CPQ: variants seen among roughly 807,000 people sequenced by gnomAD.
CPQ encodes Ser-Met dipeptidase.
CPQ carries 37 observed loss-of-function variants against 45.7 expected under a neutral mutation model. That is an observed-to-expected ratio of 0.81 (90% CI 0.62 to 1.07). The LOEUF (loss-of-function observed/expected upper bound fraction) is 1.07, where lower values mean the gene tolerates loss of function less well. Ranked by LOEUF, CPQ falls within the 50% of genes least tolerant of loss-of-function variation. The pLI is 0.00. For synonymous variants in CPQ, 186 were observed against 205.8 expected, an observed-to-expected ratio of 0.90 and a Z score of 0.82; for missense variants, 537 against 572.9, an observed-to-expected ratio of 0.94 and a Z score of 0.64.
At chr8:96,868,452 G>GT (rs913274784) in intron 3 of CPQ, among the ~76,000 whole-genome samples, 4 of 151,946 alleles carry the variant, frequency 2.6e-5, no homozygotes, top group Admixed American at 1.3e-4. Flanking sequence ...TTTTCAGGGT[G>GT]TTTCTTTAGT....
chr8:96,785,286 T>C lies in CPQ; in HGVS notation c.389T>C (p.Ile130Thr). The C allele has an allele frequency of 6.2e-7, 1 of 1,612,756 alleles. No individual in the cohort carries two copies. The highest frequency in any genetic ancestry group is 8.5e-7 in the Non-Finnish European group (1 of 1,179,102). Reference protein sequence around the residue: ...AVMLEPRIHKIAILGLGSSIG... With the variant: ...AVMLEPRIHKTAILGLGSSIG... ...ATGCTGGAGCCAAGAATTCATAAGA[T>C]AGCCATCCTGGGTCTTGGCAGCAGC... Residue 130 changes from isoleucine to threonine, a missense_variant, in exon 2 of 8, where the codon ATA becomes ACA. Coordinates refer to ENST00000220763, the MANE Select transcript of CPQ (RefSeq NM_016134.4).
intron 1 of CPQ, among the ~76,000 whole-genome samples, chr8:96,751,814 A>G (rs1810265976): frequency 6.6e-6 from 1 of 152,138 alleles, no homozygotes; most frequent in Non-Finnish European, 1.5e-5. Flanking sequence ...TAATTTTTGT[A>G]TAAGGTATAA....
chr8:96,907,069 T>A (rs1443490949), intron 4 of CPQ, among the ~76,000 whole-genome samples: 1 of 152,206 alleles, frequency 6.6e-6, no homozygotes, highest in Non-Finnish European at 1.5e-5. Flanking sequence ...ATTTTGTATT[T>A]GTAATATATT....
intron 4 of CPQ, among the ~76,000 whole-genome samples, chr8:96,932,175 A>AAAGG (rs144460338): frequency 0.079 from 12,061 of 151,834 alleles, 908 homozygotes; most frequent in African/African-American, 0.2. Flanking sequence ...ACTTGGGAAG[A>AAAGG]AAGGAAGGAA....
intron 5 of CPQ, among the ~76,000 whole-genome samples, chr8:97,022,974 T>TAC (rs1426178520): frequency 1.4e-5 from 2 of 147,154 alleles, no homozygotes; most frequent in Non-Finnish European, 1.5e-5. Flanking sequence ...CATATATATA[T>TAC]ACTGTATATA....
At chr8:96,645,655 G>A (rs970078721) in intron 1 of CPQ, among the ~76,000 whole-genome samples, 1 of 152,012 alleles carries the variant, frequency 6.6e-6, no homozygotes, top group East Asian at 2.0e-4. Context: ...GTGACGTGGG[G>A]GTGGTGGAGG....
chr8:96,859,099 T>G (rs1017846101), intron 3 of CPQ, among the ~76,000 whole-genome samples: 15 of 152,210 alleles, frequency 9.9e-5, no homozygotes, highest in Admixed American at 7.2e-4. Context: ...TAGGTTTACC[T>G]TTCCTCTACT....
At chr8:97,053,951 C>T (rs2513338) in intron 6 of CPQ, among the ~76,000 whole-genome samples, 86,697 of 151,548 alleles carry the variant, frequency 0.57, 26,833 homozygotes, top group Non-Finnish European at 0.7. Flanking sequence ...ATAGAGGAGT[C>T]AAGCATAAAC....
At position 96,671,306 on chromosome 8, in the gene CPQ, A is replaced by T. The variant is rs534819151; in HGVS notation, c.-35+25904A>T. Among the ~76,000 whole-genome samples the T allele has an allele frequency of 4.1e-4, 63 of 152,330 alleles. 1 individual carries two copies. The highest frequency in any genetic ancestry group is 7.8e-4 in the Non-Finnish European group (53 of 68,026). ...ATTACAGAAGCATAAGATTTAGAGTACATATAAAAAAGCGTGTGTGTGTGT... is the reference window on the plus strand; with the variant it reads ...ATTACAGAAGCATAAGATTTAGAGTTCATATAAAAAAGCGTGTGTGTGTGT... On this transcript the variant is annotated intron_variant, in intron 1 of 7. Transcript: ENST00000220763.
chr8:97,130,625 G>A (rs996681653), intron 7 of CPQ, among the ~76,000 whole-genome samples: 3 of 152,046 alleles, frequency 2.0e-5, no homozygotes, highest in African/African-American at 7.2e-5. Context: ...ACCTTTAAAT[G>A]CTAAATTTAC....
intron 1 of CPQ, among the ~76,000 whole-genome samples, chr8:96,703,506 A>G (rs1033799578): frequency 4.6e-5 from 7 of 152,190 alleles, no homozygotes; most frequent in Non-Finnish European, 7.4e-5. Context: ...TTTAAGAAAT[A>G]CATGAATGGA....
At chr8:96,852,363 G>C (rs10095084) in intron 3 of CPQ, among the ~76,000 whole-genome samples, 4,047 of 152,280 alleles carry the variant, frequency 0.027, 86 homozygotes, top group Middle Eastern at 0.054. Context: ...CACTAGGTGA[G>C]AGTGAAGGTA....
At chr8:96,907,411 G>A (rs1812593119) in intron 4 of CPQ, among the ~76,000 whole-genome samples, 1 of 152,108 alleles carries the variant, frequency 6.6e-6, no homozygotes, top group Admixed American at 6.6e-5. Context: ...CAAACCACTA[G>A]TGAGCTTAAA....
intron 1 of CPQ, among the ~76,000 whole-genome samples, chr8:96,647,269 G>A (rs1264401377): frequency 6.6e-6 from 1 of 152,112 alleles, no homozygotes; most frequent in African/African-American, 2.4e-5. Flanking sequence ...AGTTTATAAG[G>A]AGAAGTGGAA....
intron 7 of CPQ, among the ~76,000 whole-genome samples, chr8:97,068,108 G>C (rs1240217546): frequency 6.6e-6 from 1 of 152,034 alleles, no homozygotes; most frequent in Non-Finnish European, 1.5e-5. Flanking sequence ...CCCCATCCCA[G>C]GTATTTCTTT....
intron 7 of CPQ, among the ~76,000 whole-genome samples, chr8:97,080,907 C>CCCTTCTTTCCTT (rs1554588276): frequency 3.6e-5 from 5 of 139,648 alleles, no homozygotes; most frequent in Non-Finnish European, 7.7e-5. Context: ...TTAGTACCCA[C>CCCTTCTTTCCTT]CCTTCTTTCC....
chr8:97,036,313 G>A (rs1810006300), intron 6 of CPQ, among the ~76,000 whole-genome samples: 1 of 151,982 alleles, frequency 6.6e-6, no homozygotes, highest in East Asian at 1.9e-4. Flanking sequence ...TAGGGAGAGG[G>A]GAAAAGTCCA....
At chr8:96,723,504 CA>C (rs1809794325) in intron 1 of CPQ, among the ~76,000 whole-genome samples, 1 of 152,070 alleles carries the variant, frequency 6.6e-6, no homozygotes, top group African/African-American at 2.4e-5. Context: ...ATAAAACATA[CA>C]AAAAGGAGCT....
chr8:97,010,367 GCT>G (rs1809467806), intron 5 of CPQ, among the ~76,000 whole-genome samples: 1 of 152,092 alleles, frequency 6.6e-6, no homozygotes, highest in South Asian at 2.1e-4. Context: ...GCACTGAATA[GCT>G]CTGTGACATT....
Sources: allele counts gnomAD v4.1 joint callset (sites outside exome capture counted in the v4.1 genomes callset), GRCh38; gene constraint gnomAD v4.1.1; transcripts MANE v1.5; gene names NCBI Gene and HGNC (gene_info 2026-07-23, HGNC 2026-07-21).